Variants in DMD observed in about 807,000 individuals in gnomAD.
DMD encodes mutant dystrophin.
In DMD, 63 loss-of-function variants were observed where a neutral mutation model predicts 330.1. That is an observed-to-expected ratio of 0.19 (90% confidence interval 0.16 to 0.24). DMD has a LOEUF of 0.24. Ranked by LOEUF, DMD falls within the 10% of genes least tolerant of loss-of-function variation. The pLI, the probability that DMD is intolerant of heterozygous loss-of-function variation, is 1.00. For synonymous variants in DMD, 1,223 were observed against 959.8 expected (o/e 1.27, Z -5.07); for missense variants, 3,344 against 2,684.1 (o/e 1.25, Z -5.43).
intron 16 of DMD, among the ~76,000 whole-genome samples, chrX:32,559,576 A>G (rs913031796): frequency 1.8e-5 from 2 of 111,325 alleles, no homozygotes; most frequent in African/African-American, 3.3e-5. Flanking sequence ...GGTCTACAAA[A>G]TGATGCTCTG....
chrX:32,428,028 G>T (rs1449660977), intron 29 of DMD, among the ~76,000 whole-genome samples: 1 of 110,447 alleles, frequency 9.1e-6, no homozygotes, highest in Non-Finnish European at 1.9e-5. Flanking sequence ...ACATGAATAT[G>T]GGCATTTAAA....
chrX:32,178,977 T>TCTCTCC (rs2096917526), intron 44 of DMD, among the ~76,000 whole-genome samples: 1 of 104,439 alleles, frequency 9.6e-6, no homozygotes, highest in Non-Finnish European at 2.0e-5. Flanking sequence ...TCTCTCTCTC[T>TCTCTCC]CTCTCCCTCT....
In DMD at chrX:32,964,430, G is replaced by A. The variant is rs770267205; in HGVS notation, c.93+55709C>T. Among the ~76,000 whole-genome samples, 57 of 110,436 alleles carry A rather than the reference G, an allele frequency of 5.2e-4. No homozygotes were observed. The Middle Eastern group carries it at 0.019, about 36-fold the overall frequency. On this transcript the variant is annotated intron_variant, in intron 2 of 78. Transcript: ENST00000357033. Reference sequence around the variant, plus strand: ...AAATGCAGAGTTCTCTTTATAAGCCGGGCTCAGTGACTCACACCTGTAATC... The same window carrying A: ...AAATGCAGAGTTCTCTTTATAAGCCAGGCTCAGTGACTCACACCTGTAATC...
chrX:31,756,128 C>T (rs769269194), intron 51 of DMD, among the ~76,000 whole-genome samples: 2 of 110,694 alleles, frequency 1.8e-5, no homozygotes, highest in African/African-American at 3.3e-5. Context: ...TACGAGACTG[C>T]GGTGAGATCA....
At chrX:33,076,536 A>G (rs1304043089) in intron 1 of DMD, among the ~76,000 whole-genome samples, 1 of 111,557 alleles carries the variant, frequency 9.0e-6, no homozygotes, top group African/African-American at 3.3e-5. Context: ...GGTTTGTGGG[A>G]TATGGGACTT....
chrX:31,237,185 ATTGT>A (rs1199067299), intron 63 of DMD, among the ~76,000 whole-genome samples: 2 of 112,513 alleles, frequency 1.8e-5, no homozygotes, highest in Non-Finnish European at 3.8e-5. Flanking sequence ...GGAAAGATAC[ATTGT>A]TTGGGTTTTG....
intron 18 of DMD, among the ~76,000 whole-genome samples, chrX:32,513,533 A>G (rs1440512096): frequency 8.9e-6 from 1 of 112,056 alleles, no homozygotes; most frequent in Non-Finnish European, 1.9e-5. Flanking sequence ...GAACCTGTCA[A>G]AGATTGGACT....
chrX:32,772,334 C>T (rs1241580348), intron 7 of DMD, among the ~76,000 whole-genome samples: 1 of 112,573 alleles, frequency 8.9e-6, no homozygotes, highest in African/African-American at 3.2e-5. Context: ...TCTACATCTC[C>T]CTTTCCTAAC....
intron 2 of DMD, among the ~76,000 whole-genome samples, chrX:32,891,948 G>C (rs2085246923): frequency 2.7e-5 from 3 of 111,031 alleles, no homozygotes; most frequent in African/African-American, 9.8e-5. Flanking sequence ...GTTACTGCCT[G>C]CATATGCCAA....
At chrX:33,200,980 G>C (rs945226989) in intron 1 of DMD, among the ~76,000 whole-genome samples, 5 of 88,811 alleles carry the variant, frequency 5.6e-5, no homozygotes, top group Non-Finnish European at 1.0e-4. Flanking sequence ...CACCCAGGCT[G>C]GAGTACAGTG....
intron 1 of DMD, among the ~76,000 whole-genome samples, chrX:33,168,750 T>C (rs1362591923): frequency 1.8e-5 from 2 of 110,386 alleles, no homozygotes; most frequent in Middle Eastern, 4.7e-3. Flanking sequence ...GCTGGGAGTC[T>C]ACCTGGATTA....
chrX:31,681,029 C>T (rs773595791), intron 52 of DMD, among the ~76,000 whole-genome samples: 12 of 111,101 alleles, frequency 1.1e-4, no homozygotes, highest in African/African-American at 3.3e-5. Flanking sequence ...AACTTCTTTC[C>T]TCTTTCTATT....
chrX:32,896,108 T>C (rs1440085616), intron 2 of DMD, among the ~76,000 whole-genome samples: 1 of 110,936 alleles, frequency 9.0e-6, no homozygotes, highest in Non-Finnish European at 1.9e-5. Context: ...AGCTGTGCGA[T>C]GAAAAGAATT....
chrX:32,994,843 C>T (rs2093073793), intron 2 of DMD, among the ~76,000 whole-genome samples: 1 of 112,415 alleles, frequency 8.9e-6, no homozygotes, highest in African/African-American at 3.2e-5. Context: ...TAAATAAGGT[C>T]AGTCACCGTG....
intron 9 of DMD, among the ~76,000 whole-genome samples, chrX:32,666,848 C>T (rs1241808919): frequency 5.6e-5 from 6 of 106,758 alleles, no homozygotes; most frequent in African/African-American, 2.1e-4. Flanking sequence ...AAACAGCAAG[C>T]AAAGACAAAG....
chrX:31,202,611 A>G (rs1350066903), intron 67 of DMD, among the ~76,000 whole-genome samples: 2 of 112,135 alleles, frequency 1.8e-5, no homozygotes, highest in Non-Finnish European at 3.8e-5. Context: ...GAAACCTTCT[A>G]TAGTTTCATC....
intron 54 of DMD, among the ~76,000 whole-genome samples, chrX:31,635,309 G>C (rs2079352657): frequency 8.9e-6 from 1 of 111,828 alleles, no homozygotes; most frequent in Non-Finnish European, 1.9e-5. Flanking sequence ...TCCTAATGTT[G>C]ATAGACTAAG....
At position 31,809,109 on chromosome X, in the gene DMD, T is replaced by TTA. The variant is rs764716656; in HGVS notation, c.7309+10864_7309+10865dup. Among the ~76,000 whole-genome samples the TTA allele has an allele frequency of 1.5e-4, 16 of 106,517 alleles. No individual in the cohort carries two copies. In the East Asian group the frequency reaches 1.7e-3, roughly 11 times the overall value. The allele number at this position is 106,517 out of a possible 115,157, so 92.5% of individuals were successfully genotyped here. A position where few individuals can be genotyped will look rare whatever the true frequency, so the allele number is the denominator to read the frequency against. ...CTCTCATATATACATATAAAATCTC[T>TTA]TATATATATATGAGTTTATATATAA... On this transcript the variant is annotated intron_variant, in intron 50 of 78. Coordinates refer to ENST00000357033, the MANE Select transcript of DMD (RefSeq NM_004006.3).
intron 7 of DMD, among the ~76,000 whole-genome samples, chrX:32,777,282 G>GGGGGGGGGGGGGGGGGGGGGGGGA (rs1368782701): frequency 5.5e-5 from 3 of 54,134 alleles, no homozygotes; most frequent in Non-Finnish European, 7.3e-5. Context: ...CTGGTTGGGG[G>GGGGGGGGGGGGGGGGGGGGGGGGA]GGGAATCCTA....
Sources: gnomAD v4.1 joint callset for allele counts (sites outside exome capture counted in the v4.1 genomes callset) on GRCh38, gnomAD v4.1.1 for gene constraint, MANE v1.5 for transcripts, NCBI Gene and HGNC (gene_info 2026-07-23, HGNC 2026-07-21) for gene names.